C6orf132: variants seen among roughly 807,000 people sequenced by gnomAD.
C6orf132 encodes the protein uncharacterized protein C6orf132.
A neutral mutation model predicts 65.3 loss-of-function variants in C6orf132; 43 were observed. That is an observed-to-expected ratio of 0.66 (90% CI 0.52 to 0.85). The LOEUF (loss-of-function observed/expected upper bound fraction) is 0.85. C6orf132 is among the 40% of genes least tolerant of loss of function. The probability of loss-of-function intolerance (pLI) is 0.00; values close to 1 mark genes in which losing one functional copy is unlikely to be tolerated. For missense variants in C6orf132, 1,488 were observed against 1,548.8 expected, an observed-to-expected ratio of 0.96 and a Z score of 0.66; for synonymous variants, 631 against 654.1, an observed-to-expected ratio of 0.96 and a Z score of 0.54.
At position 42,106,195 on chromosome 6, in the gene C6orf132, G is replaced by A. The variant is rs765523782; in HGVS notation, c.1717C>T (p.Arg573Trp). 9.1e-6 allele frequency: 14 copies of A among 1,537,222 alleles called. No homozygotes were observed. The highest frequency in any genetic ancestry group is 1.2e-5 in the South Asian group (1 of 84,056). The part of the protein sequence containing the change: ...VRQIRNELEA[R>W]LSSAAEKEAK... ...TCCTTCTCTGCTGCTGAGGAGAGCC[G>A]GGCCTCCAGCTCATTCCGGATCTGC... The change falls in exon 4 of 5, where the codon CGG becomes TGG. Residue 573 changes from arginine (R) to tryptophan (W), a missense_variant. Transcript: ENST00000341865.
intron 1 of C6orf132, among the ~76,000 whole-genome samples, chr6:42,139,014 C>G (rs987360165): frequency 3.3e-5 from 5 of 152,236 alleles, no homozygotes; most frequent in Admixed American, 1.3e-4. Context: ...TTGCTCATCA[C>G]CACTCTCACA....
At position 42,107,016 on chromosome 6, in the gene C6orf132, G is replaced by A; in HGVS notation, c.896C>T (p.Pro299Leu). Residue 299 changes from proline to leucine, a missense_variant, in exon 4 of 5, where the codon CCC (proline) becomes CTC (leucine). Transcript: ENST00000341865. ...GPNPEPHLTF[P>L]RSFKVPPPTP... ...TGGGGGAGGCACTTTGAAAGAACGGGGGAAGGTGAGATGGGGCTCTGGGTT... is the reference window on the plus strand; with the variant it reads ...TGGGGGAGGCACTTTGAAAGAACGGAGGAAGGTGAGATGGGGCTCTGGGTT... The A allele has an allele frequency of 1.3e-6, 2 of 1,532,784 alleles. No individual in the cohort carries two copies. Among genetic ancestry groups the A allele is most frequent in the Non-Finnish European group, 1.7e-6 (2 of 1,144,370 alleles). The allele number at this position is 1,532,784 out of a possible 1,614,324, so 94.9% of individuals were successfully genotyped here.
Position 42,101,289 on chromosome 6 carries a change from C to G in C6orf132, c.*2472G>C, listed in dbSNP as rs1766277441. The G allele has an allele frequency of 6.6e-6, 1 of 152,264 alleles. No individual in the cohort carries two copies. The highest frequency in any genetic ancestry group is 1.5e-5 in the Non-Finnish European group (1 of 68,054). 9.4% of individuals were successfully genotyped at this position (152,264 alleles called of 1,614,324 possible). On this transcript the variant is annotated 3_prime_UTR_variant, in exon 5 of 5. Transcript: ENST00000341865. ...CCACAAGAGGCCTTCCCTGACTACCCTGTTAAAGTAAATCCACTCCTCTCC... is the reference window on the plus strand; with the variant it reads ...CCACAAGAGGCCTTCCCTGACTACCGTGTTAAAGTAAATCCACTCCTCTCC...
chr6:42,128,209 G>A (rs925994024), intron 2 of C6orf132, among the ~76,000 whole-genome samples: 1 of 151,892 alleles, frequency 6.6e-6, no homozygotes, highest in Non-Finnish European at 1.5e-5. Flanking sequence ...ACAGGCGTGA[G>A]CCACCGCACT....
Position 42,124,712 on chromosome 6 carries a change from C to A in C6orf132, c.252+3960G>T, listed in dbSNP as rs1454162548. Among the ~76,000 whole-genome samples, 1 of 152,216 alleles carries A rather than the reference C, an allele frequency of 6.6e-6. No individual in the cohort carries two copies. The highest frequency in any genetic ancestry group is 1.5e-5 in the Non-Finnish European group (1 of 68,036). On this transcript the variant is annotated intron_variant, in intron 2 of 4. Coordinates refer to ENST00000341865, the MANE Select transcript of C6orf132 (RefSeq NM_001164446.3). The surrounding 1 kb of genome is among the most constrained non-coding windows in gnomAD (Gnocchi z 4.0). Reference sequence around the variant, plus strand: ...GCATGTGTGTGTGAGCCCACACCCACACAGAGCTTGTCCTCCCTCTTCTCC... The same window carrying A: ...GCATGTGTGTGTGAGCCCACACCCAAACAGAGCTTGTCCTCCCTCTTCTCC...
At chr6:42,140,443 A>C (rs562335932) in intron 1 of C6orf132, among the ~76,000 whole-genome samples, 1 of 152,242 alleles carries the variant, frequency 6.6e-6, no homozygotes, top group Non-Finnish European at 1.5e-5. Context: ...ATGCCCCTCA[A>C]GTAAACTTGG....
rs1234234920 is a variant in C6orf132, at chr6:42,105,432, G to A, written c.2480C>T (p.Pro827Leu). ...AQPTDELLRH[P>L]VTGEVVERGS... ...CCGCTCCACCACCTCCCCAGTCACC[G>A]GGTGCCTGAGGAGTTCATCAGTGGG... The change falls in exon 4 of 5, where the codon CCG becomes CTG. Residue 827 changes from proline (P) to leucine (L), a missense_variant. By Grantham distance (98) the Pro-to-Leu change is moderately conservative. Transcript: ENST00000341865. 3.9e-6 allele frequency: 6 copies of A among 1,535,046 alleles called. No homozygotes were observed. Among genetic ancestry groups the A allele is most frequent in the African/African-American group, 2.7e-5 (2 of 73,026 alleles).
chr6:42,133,937 T>C lies in C6orf132; in HGVS notation c.146-5159A>G, dbSNP rs112723860. On this transcript the variant is annotated intron_variant, in intron 1 of 4. Transcript: ENST00000341865. Reference sequence around the variant, plus strand: ...AAAAACCTGTTCCAAAAACAATTCCTGGTGCCAAGCAGGAGACTTCACCCC... The same window carrying C: ...AAAAACCTGTTCCAAAAACAATTCCCGGTGCCAAGCAGGAGACTTCACCCC... Among the ~76,000 whole-genome samples, 264 of 152,156 alleles carry C rather than the reference T, an allele frequency of 1.7e-3. 1 individual carries two copies. The highest frequency in any genetic ancestry group is 6.0e-3 in the African/African-American group (248 of 41,522).
chr6:42,125,716 C>T (rs1433738116), intron 2 of C6orf132, among the ~76,000 whole-genome samples: 1 of 152,232 alleles, frequency 6.6e-6, no homozygotes, highest in Admixed American at 6.5e-5. Flanking sequence ...AGTATTTCCC[C>T]AGGACAGCCT....
At chr6:42,107,667 G>A (rs1021946877) in intron 3 of C6orf132, 84 bp from the exon 4 acceptor site, 6 of 1,499,526 alleles carry the variant, frequency 4.0e-6, no homozygotes, top group Non-Finnish European at 5.4e-6. Flanking sequence ...GCAGGGGCAG[G>A]GGTGGGCACC....
chr6:42,119,248 C>CAAAAAAAAAAAA (rs1156356191), intron 2 of C6orf132, among the ~76,000 whole-genome samples: 1 of 44,778 alleles, frequency 2.2e-5, no homozygotes, highest in African/African-American at 9.8e-5. Flanking sequence ...GACTCTGTCT[C>CAAAAAAAAAAAA]AAAAAAAAAA....
chr6:42,106,338 G>A lies in C6orf132; in HGVS notation c.1574C>T (p.Pro525Leu). 1.3e-6 allele frequency: 2 copies of A among 1,536,632 alleles called. No homozygotes were observed. Among genetic ancestry groups the A allele is most frequent in the South Asian group, 1.2e-5 (1 of 84,042 alleles). The change falls in exon 4 of 5, where the codon CCA (proline) becomes CTA (leucine). Residue 525 changes from proline (P) to leucine (L), a missense_variant. Transcript: ENST00000341865. ...GCCAAGACTCTTTTCAGGAACACCT[G>A]GGGGAGTGTCCTTTGCTGGCAGGCT... is the stretch of plus-strand genomic sequence containing the variant. ...LLSLPAKDTP[P>L]GVPEKSLGGS...
At chr6:42,141,537 T>C (rs1379736975) in intron 1 of C6orf132, among the ~76,000 whole-genome samples, 1 of 152,234 alleles carries the variant, frequency 6.6e-6, no homozygotes, top group African/African-American at 2.4e-5. Context: ...GCGGTGCTTT[T>C]AGAGGCCTGC....
At chr6:42,103,993 C>G (rs1766341751) in intron 4 of C6orf132, 115 bp from the exon 5 acceptor site, 1 of 735,948 alleles carries the variant, frequency 1.4e-6, no homozygotes, top group African/African-American at 1.8e-5. Context: ...GTATTTGCCC[C>G]GACAAGCCCT....
chr6:42,140,915 G>A (rs1397735062), intron 1 of C6orf132, among the ~76,000 whole-genome samples: 1 of 152,204 alleles, frequency 6.6e-6, no homozygotes, highest in Non-Finnish European at 1.5e-5. Context: ...GCACACCTGT[G>A]TCTGGGAGTG....
Position 42,103,078 on chromosome 6 carries a change from G to A in C6orf132, c.*683C>T. The A allele has an allele frequency of 5.0e-6, 2 of 398,662 alleles. No individual in the cohort carries two copies. 24.7% of individuals were successfully genotyped at this position (398,662 alleles called of 1,614,324 possible). On this transcript the variant is annotated 3_prime_UTR_variant, in exon 5 of 5. Transcript: ENST00000341865. ...CTAAGGGCTAGGGCCAAGGAAAAATGAACCATCAATCTCCCACCTCTGCCC... is the reference window on the plus strand; with the variant it reads ...CTAAGGGCTAGGGCCAAGGAAAAATAAACCATCAATCTCCCACCTCTGCCC...
chr6:42,118,868 A>ATTTTT (rs546407195), intron 2 of C6orf132, among the ~76,000 whole-genome samples: 2 of 113,198 alleles, frequency 1.8e-5, no homozygotes, highest in African/African-American at 3.5e-5. Flanking sequence ...CAGCCCTTTA[A>ATTTTT]TTTTTTTTTT....
In C6orf132 at chr6:42,101,317, A is replaced by G. The variant is rs564328805; in HGVS notation, c.*2444T>C. 6.6e-6 allele frequency: 1 copy of G among 151,754 alleles called. No individual in the cohort carries two copies. Among genetic ancestry groups the G allele is most frequent in the East Asian group, 1.9e-4 (1 of 5,148 alleles). 9.4% of individuals were successfully genotyped at this position (151,754 alleles called of 1,614,324 possible). A position where few individuals can be genotyped will look rare whatever the true frequency, so the allele number is the denominator to read the frequency against. Reference sequence around the variant, plus strand: ...TTAAAGTAAATCCACTCCTCTCCCCACTCGCTAGTTATTCTCTCACGTTCC... The same window carrying G: ...TTAAAGTAAATCCACTCCTCTCCCCGCTCGCTAGTTATTCTCTCACGTTCC... On this transcript the variant is annotated 3_prime_UTR_variant, in exon 5 of 5. Transcript: ENST00000341865.
At chr6:42,133,870 A>G (rs1387482417) in intron 1 of C6orf132, among the ~76,000 whole-genome samples, 2 of 109,176 alleles carry the variant, frequency 1.8e-5, no homozygotes, top group African/African-American at 1.0e-4. Context: ...ACACTCCCTC[A>G]AGGATTTGAG....
Sources: allele counts gnomAD v4.1 joint callset (sites outside exome capture counted in the v4.1 genomes callset), GRCh38; gene constraint gnomAD v4.1.1; non-coding constraint Gnocchi (gnomAD v3.1); transcripts MANE v1.5; gene names NCBI Gene and HGNC (gene_info 2026-07-23, HGNC 2026-07-21).